SLC22A3: variants seen among roughly 807,000 people sequenced by gnomAD.
The protein encoded by SLC22A3 is EMT organic cation transporter 3.
A neutral mutation model predicts 59.1 loss-of-function variants in SLC22A3; 51 were observed. The ratio of observed to expected loss-of-function variants is 0.86; its 90% CI spans 0.69 to 1.09. SLC22A3 has a LOEUF of 1.09. Ranked by LOEUF, SLC22A3 falls within the 50% of genes least tolerant of loss-of-function variation. The pLI is 0.00. For missense variants in SLC22A3, 711 were observed against 726.3 expected, an observed-to-expected ratio of 0.98 and a Z score of 0.24; for synonymous variants, 325 against 292.0, an observed-to-expected ratio of 1.11 and a Z score of -1.15.
chr6:160,397,029 A>G (rs1002023412), intron 1 of SLC22A3, among the ~76,000 whole-genome samples: 2 of 152,196 alleles, frequency 1.3e-5, no homozygotes, highest in African/African-American at 4.8e-5. Flanking sequence ...GTCTGTTTAT[A>G]GCAATTGGAC....
intron 1 of SLC22A3, among the ~76,000 whole-genome samples, chr6:160,374,046 AC>A (rs1785499860): frequency 1.3e-5 from 2 of 152,092 alleles, no homozygotes; most frequent in African/African-American, 4.8e-5. Context: ...TTGAAGCACC[AC>A]TGGGGTATGA....
chr6:160,450,874 T>TA lies in SLC22A3; in HGVS notation c.1611-121dup. 4 of 908,908 alleles carry TA rather than the reference T, an allele frequency of 4.4e-6. No individual in the cohort carries two copies. In the Admixed American group the frequency reaches 8.2e-5, roughly 19 times the overall value. The allele number at this position is 908,908 out of a possible 1,614,324, so 56.3% of individuals were successfully genotyped here. A position where few individuals can be genotyped will look rare whatever the true frequency, so the allele number is the denominator to read the frequency against. ...CTGGAGACAGATATTGTTGTTACCT[T>TA]AGAGTTGGGTTTTCATGAATGTATT... is the stretch of plus-strand genomic sequence containing the variant. On this transcript the variant is annotated intron_variant, in intron 10 of 10. Transcript: ENST00000275300.
intron 5 of SLC22A3, among the ~76,000 whole-genome samples, chr6:160,435,290 T>C (rs1014256187): frequency 8.5e-5 from 13 of 152,244 alleles, no homozygotes; most frequent in Non-Finnish European, 7.3e-5. Flanking sequence ...CTATTGATTT[T>C]AAGACACATA....
chr6:160,422,464 C>A (rs940295829), intron 5 of SLC22A3, among the ~76,000 whole-genome samples: 3 of 152,186 alleles, frequency 2.0e-5, no homozygotes, highest in African/African-American at 7.2e-5. Flanking sequence ...GTTGGCATAG[C>A]AACACTTCTT....
chr6:160,366,775 C>G (rs1266125955), intron 1 of SLC22A3, among the ~76,000 whole-genome samples: 2 of 152,198 alleles, frequency 1.3e-5, no homozygotes, highest in South Asian at 4.1e-4. Context: ...GGGACCAACA[C>G]CACATGAAAG....
chr6:160,390,510 C>T (rs941501697), intron 1 of SLC22A3, among the ~76,000 whole-genome samples: 13 of 151,982 alleles, frequency 8.6e-5, no homozygotes, highest in South Asian at 2.1e-4. Context: ...GCTAGGTTGT[C>T]GGGTCCTCTC....
chr6:160,395,697 A>G (rs962616392), intron 1 of SLC22A3, among the ~76,000 whole-genome samples: 3 of 152,208 alleles, frequency 2.0e-5, no homozygotes, highest in Non-Finnish European at 4.4e-5. Flanking sequence ...ACTATTATGC[A>G]TATCTGTAAA....
At chr6:160,365,239 CATT>C (rs919965600) in intron 1 of SLC22A3, among the ~76,000 whole-genome samples, 3 of 152,116 alleles carry the variant, frequency 2.0e-5, no homozygotes, top group Admixed American at 1.3e-4. Context: ...TGAGGTAAGT[CATT>C]ATTTTCCCCT....
At chr6:160,359,493 A>C (rs1184756727) in intron 1 of SLC22A3, among the ~76,000 whole-genome samples, 6 of 152,194 alleles carry the variant, frequency 3.9e-5, no homozygotes, top group Admixed American at 3.9e-4. Flanking sequence ...TTAATAATCA[A>C]TCATACTAAA....
At chr6:160,398,416 G>A (rs1468497707) in intron 2 of SLC22A3, among the ~76,000 whole-genome samples, 1 of 152,152 alleles carries the variant, frequency 6.6e-6, no homozygotes, top group African/African-American at 2.4e-5. Context: ...TCAATTCGAT[G>A]TGCTTCAGTA....
chr6:160,378,425 G>A (rs535998973), intron 1 of SLC22A3, among the ~76,000 whole-genome samples: 14 of 152,244 alleles, frequency 9.2e-5, no homozygotes, highest in African/African-American at 3.1e-4. Context: ...AAAGGTACAC[G>A]TGTTACTGCA....
In SLC22A3 at chr6:160,437,174, A is replaced by T. The variant is rs768875704; in HGVS notation, c.1251A>T (p.Ala417=). The part of the protein sequence containing the change: ...RLPFAASNIV[A]GVACLVTAFL... ...CCTTTGCGGCAAGCAATATAGTGGC[A>T]GGGGTGGCATGCCTTGTCACTGCGT... Residue 417 remains alanine, a synonymous_variant, in exon 7 of 11, where the codon GCA becomes GCT. Transcript: ENST00000275300. 1 of 1,614,128 alleles carries T rather than the reference A, an allele frequency of 6.2e-7. No homozygotes were observed. The highest frequency in any genetic ancestry group is 8.5e-7 in the Non-Finnish European group (1 of 1,179,956).
chr6:160,446,223 C>G (rs1788738002), intron 9 of SLC22A3, among the ~76,000 whole-genome samples: 1 of 152,122 alleles, frequency 6.6e-6, no homozygotes, highest in Non-Finnish European at 1.5e-5. Flanking sequence ...CTGACTGGAG[C>G]AGAGCCAGGG....
intron 9 of SLC22A3, among the ~76,000 whole-genome samples, chr6:160,445,963 G>A (rs1788726434): frequency 6.6e-6 from 1 of 152,232 alleles, no homozygotes; most frequent in Admixed American, 6.5e-5. Context: ...CCTGGCAGTA[G>A]AGAATGGTTG....
At position 160,442,968 on chromosome 6, in the gene SLC22A3, G is replaced by A. The variant is rs527260652; in HGVS notation, c.1397+99G>A. On this transcript the variant is annotated intron_variant, in intron 8 of 10. Transcript: ENST00000275300. ...ACTATGAAGTCGTTTCCTTAGCTCA[G>A]TGATATATTAGCCTAGGCTGAATCC... is the stretch of plus-strand genomic sequence containing the variant. 8.8e-6 allele frequency: 8 copies of A among 905,654 alleles called. No individual in the cohort carries two copies. In the East Asian group the frequency reaches 1.8e-4, roughly 21 times the overall value. The allele number at this position is 905,654 out of a possible 1,614,324, so 56.1% of individuals were successfully genotyped here.
intron 5 of SLC22A3, 138 bp from the exon 6 acceptor site, chr6:160,436,638 TTTAA>T: frequency 1.5e-6 from 1 of 648,960 alleles, no homozygotes; most frequent in East Asian, 2.7e-5. Context: ...GCAGAAGTGT[TTTAA>T]TTGTCAGGTT....
intron 1 of SLC22A3, among the ~76,000 whole-genome samples, chr6:160,376,436 T>C (rs1785597066): frequency 6.6e-6 from 1 of 152,116 alleles, no homozygotes; most frequent in African/African-American, 2.4e-5. Flanking sequence ...ATATAGATCA[T>C]GGGTTGATAG....
intron 1 of SLC22A3, among the ~76,000 whole-genome samples, chr6:160,351,105 T>TTTTTG (rs570839192): frequency 5.4e-4 from 82 of 152,236 alleles, no homozygotes; most frequent in South Asian, 4.6e-3. Flanking sequence ...GAGAGATTCT[T>TTTTTG]TTTTGTTTTG....
rs185417524 is a variant in SLC22A3, at chr6:160,388,107, T to A, written c.430-9872T>A. ...CACTAACAGGGAGAAGAGCTGAGCC[T>A]CCCCCAGCCTTCTGACCTACAGCAC... On this transcript the variant is annotated intron_variant, in intron 1 of 10. Transcript: ENST00000275300. Among the ~76,000 whole-genome samples, 5 of 152,136 alleles carry A rather than the reference T, an allele frequency of 3.3e-5. No individual in the cohort carries two copies. The East Asian group carries it at 9.7e-4, about 29-fold the overall frequency.
Sources: gnomAD v4.1 joint callset for allele counts (sites outside exome capture counted in the v4.1 genomes callset) on GRCh38, gnomAD v4.1.1 for gene constraint, MANE v1.5 for transcripts, NCBI Gene and HGNC (gene_info 2026-07-23, HGNC 2026-07-21) for gene names.